RORA: variants seen among roughly 807,000 people sequenced by gnomAD.
The protein encoded by RORA is RAR related orphan receptor A.
RORA carries 7 observed loss-of-function variants against 69.5 expected under a neutral mutation model. The ratio of observed to expected loss-of-function variants is 0.10; its 90% CI spans 0.06 to 0.19. The LOEUF (loss-of-function observed/expected upper bound fraction) is 0.19. Among genes scored for constraint, RORA ranks in the 10% least tolerant of loss-of-function variants. The pLI is 1.00. For synonymous variants in RORA, 261 were observed against 240.8 expected (o/e 1.08, Z -0.78); for missense variants, 457 against 663.0 (o/e 0.69, Z 3.41).
rs547976849 is a variant in RORA at position 60,489,052 on chromosome 15, C to T, written c.*8403G>A. The T allele has an allele frequency of 1.3e-5, 2 of 152,004 alleles. No individual in the cohort carries two copies. The highest frequency in any genetic ancestry group is 4.8e-5 in the African/African-American group (2 of 41,368). 9.4% of individuals were successfully genotyped at this position (152,004 alleles called of 1,614,324 possible). ...ACATGTGCTAGCCATTGTGCAGACG[C>T]AAAAAGATACAATCTCTACCCTCAG... On this transcript the variant is annotated 3_prime_UTR_variant, in exon 11 of 11. Transcript: ENST00000335670.
intron 2 of RORA, among the ~76,000 whole-genome samples, chr15:60,558,856 A>AT (rs11447629): frequency 0.22 from 33,350 of 152,110 alleles, 5,538 homozygotes; most frequent in African/African-American, 0.47. Context: ...GACTGTGCCA[A>AT]TCTCATTAGA....
chr15:60,851,362 A>C (rs2073322584), intron 1 of RORA, among the ~76,000 whole-genome samples: 1 of 152,062 alleles, frequency 6.6e-6, no homozygotes, highest in Non-Finnish European at 1.5e-5. Flanking sequence ...AGAAGGCAAA[A>C]CTGCTCCATT....
intron 1 of RORA, among the ~76,000 whole-genome samples, chr15:60,861,673 A>G (rs1423917378): frequency 6.6e-6 from 1 of 152,210 alleles, no homozygotes; most frequent in Non-Finnish European, 1.5e-5. Context: ...TTTTAAAAGC[A>G]TAATAAATAC....
intron 1 of RORA, among the ~76,000 whole-genome samples, chr15:61,016,837 TA>T (rs941846431): frequency 6.6e-6 from 1 of 152,298 alleles, no homozygotes. Flanking sequence ...GTCCCCCTGG[TA>T]AAAGCTTACT....
intron 2 of RORA, among the ~76,000 whole-genome samples, chr15:60,559,722 T>C (rs1179219892): frequency 6.6e-6 from 1 of 152,238 alleles, no homozygotes; most frequent in African/African-American, 2.4e-5. Flanking sequence ...CTTTCTGTTA[T>C]TTGCATTACG....
chr15:60,813,181 G>A (rs1396330773), intron 1 of RORA, among the ~76,000 whole-genome samples: 1 of 152,166 alleles, frequency 6.6e-6, no homozygotes, highest in Non-Finnish European at 1.5e-5. Flanking sequence ...CCATTTGCCA[G>A]GACTCAGCCT....
At chr15:60,944,091 C>T (rs1892790052) in intron 1 of RORA, among the ~76,000 whole-genome samples, 1 of 152,048 alleles carries the variant, frequency 6.6e-6, no homozygotes, top group Admixed American at 6.5e-5. Context: ...CATATGCTCT[C>T]ATATGAGTTG....
At chr15:60,916,235 A>G (rs1255401045) in intron 1 of RORA, among the ~76,000 whole-genome samples, 2 of 152,156 alleles carry the variant, frequency 1.3e-5, no homozygotes, top group Non-Finnish European at 2.9e-5. Flanking sequence ...ATTCCCTCCA[A>G]TGCGTCTGTG....
chr15:60,845,203 G>T (rs1362936092), intron 1 of RORA, among the ~76,000 whole-genome samples: 1 of 152,190 alleles, frequency 6.6e-6, no homozygotes, highest in East Asian at 1.9e-4. Flanking sequence ...CTATGTGAAG[G>T]CTCATTTGCT....
At position 60,940,705 on chromosome 15, in the gene RORA, A is replaced by T. The variant is rs560314748; in HGVS notation, c.167-262019T>A. Among the ~76,000 whole-genome samples the T allele has an allele frequency of 7.5e-4, 115 of 152,320 alleles. 1 individual carries two copies. The highest frequency in any genetic ancestry group is 2.7e-3 in the African/African-American group (112 of 41,568). On this transcript the variant is annotated intron_variant, in intron 1 of 10. Coordinates refer to ENST00000335670, the MANE Select transcript of RORA (RefSeq NM_134261.3). Reference sequence around the variant, plus strand: ...CAGTTTGGGAGTCCGAGGCAGGTGGATCACGAGGTCAGAAGATTGAGACCA... The same window carrying T: ...CAGTTTGGGAGTCCGAGGCAGGTGGTTCACGAGGTCAGAAGATTGAGACCA...
At chr15:60,812,274 T>A (rs79463563) in intron 1 of RORA, among the ~76,000 whole-genome samples, 2 of 152,014 alleles carry the variant, frequency 1.3e-5, no homozygotes, top group Admixed American at 1.3e-4. Context: ...GAGGATGAGG[T>A]GGGAGGAATG....
intron 1 of RORA, among the ~76,000 whole-genome samples, chr15:60,838,165 C>CCTCT (rs1173993772): frequency 6.6e-6 from 1 of 152,116 alleles, no homozygotes; most frequent in Non-Finnish European, 1.5e-5. Flanking sequence ...CCCCCTTAGA[C>CCTCT]CTCTATCCTA....
chr15:61,000,766 T>G (rs187971096), intron 1 of RORA, among the ~76,000 whole-genome samples: 168 of 152,220 alleles, frequency 1.1e-3, no homozygotes, highest in African/African-American at 3.9e-3. Context: ...CAGGAGAAAT[T>G]CAGGTGGCCA....
At chr15:61,034,667 TA>T (rs1273303603) in intron 1 of RORA, among the ~76,000 whole-genome samples, 1 of 151,810 alleles carries the variant, frequency 6.6e-6, no homozygotes, top group Non-Finnish European at 1.5e-5. Context: ...TAATCCTGTG[TA>T]ACTCTGATGT....
intron 5 of RORA, chr15:60,510,678 A>G (rs1464547142): frequency 6.5e-6 from 1 of 152,720 alleles, no homozygotes; most frequent in African/African-American, 2.4e-5. Flanking sequence ...GGCTGTTGCC[A>G]GTTGGCTGTT....
intron 1 of RORA, among the ~76,000 whole-genome samples, chr15:60,712,432 C>G (rs995389408): frequency 6.6e-6 from 1 of 152,122 alleles, no homozygotes; most frequent in Admixed American, 6.5e-5. Context: ...TCAACATAAC[C>G]CACAGCACTC....
At chr15:60,860,767 G>A (rs898008875) in intron 1 of RORA, among the ~76,000 whole-genome samples, 9 of 152,236 alleles carry the variant, frequency 5.9e-5, no homozygotes, top group African/African-American at 2.2e-4. Context: ...TTAATTCAAT[G>A]TACACTTACT....
At chr15:61,052,095 C>T (rs2078022743) in intron 1 of RORA, among the ~76,000 whole-genome samples, 1 of 152,238 alleles carries the variant, frequency 6.6e-6, no homozygotes, top group Non-Finnish European at 1.5e-5. Context: ...TGGTGAGGAT[C>T]TGTCCTACAT....
intron 2 of RORA, among the ~76,000 whole-genome samples, chr15:60,656,796 A>G (rs977566846): frequency 1.3e-5 from 2 of 152,146 alleles, no homozygotes; most frequent in African/African-American, 2.4e-5. Flanking sequence ...TAACAGATAA[A>G]TCTGTTGACC....
Sources: gnomAD v4.1 joint callset for allele counts (sites outside exome capture counted in the v4.1 genomes callset) on GRCh38, gnomAD v4.1.1 for gene constraint, MANE v1.5 for transcripts, NCBI Gene and HGNC (gene_info 2026-07-23, HGNC 2026-07-21) for gene names.